SPTLC3: variants seen among roughly 807,000 people sequenced by gnomAD.
SPTLC3 encodes the protein serine palmitoyltransferase long chain base subunit 3.
A neutral mutation model predicts 59.3 loss-of-function variants in SPTLC3; 36 were observed. That is an observed-to-expected ratio of 0.61 (90% CI 0.47 to 0.80). The LOEUF is 0.80. Among genes scored for constraint, SPTLC3 ranks in the 30% least tolerant of loss-of-function variants. The pLI is 0.00. For missense variants in SPTLC3, 625 were observed against 685.1 expected (o/e 0.91, Z 0.98); for synonymous variants, 257 against 240.8 (o/e 1.07, Z -0.62).
intron 1 of SPTLC3, 135 bp from the exon 2 acceptor site, chr20:13,048,810 T>C: frequency 1.3e-6 from 1 of 767,568 alleles, no homozygotes. Context: ...CCCTCTTCAA[T>C]GGTCAGTTTC....
chr20:13,143,680 G>T (rs1440983840), intron 9 of SPTLC3, among the ~76,000 whole-genome samples: 1 of 152,154 alleles, frequency 6.6e-6, no homozygotes, highest in African/African-American at 2.4e-5. Context: ...TCCTACCCTA[G>T]CAAAGCTCTG....
chr20:13,121,242 A>T (rs947682433), intron 8 of SPTLC3, among the ~76,000 whole-genome samples: 8 of 152,102 alleles, frequency 5.3e-5, no homozygotes, highest in African/African-American at 1.7e-4. Flanking sequence ...TAGCCCTTGT[A>T]ACTGATAGGT....
chr20:13,075,792 T>A (rs562583288), intron 4 of SPTLC3, among the ~76,000 whole-genome samples: 2 of 152,058 alleles, frequency 1.3e-5, no homozygotes, highest in Non-Finnish European at 2.9e-5. Context: ...AATACCAGGG[T>A]TGTTAATGAC....
chr20:13,037,821 T>C (rs13038417), intron 1 of SPTLC3, among the ~76,000 whole-genome samples: 15,410 of 152,026 alleles, frequency 0.1, 925 homozygotes, highest in African/African-American at 0.17. Flanking sequence ...GTAAAGTTCA[T>C]TGAAGATCAG....
At chr20:13,087,973 A>G (rs1393907856) in intron 4 of SPTLC3, among the ~76,000 whole-genome samples, 1 of 152,208 alleles carries the variant, frequency 6.6e-6, no homozygotes, top group Admixed American at 6.5e-5. Flanking sequence ...AAAGCCTAAA[A>G]TGGCATTTTT....
intron 10 of SPTLC3, among the ~76,000 whole-genome samples, chr20:13,155,213 C>T (rs1279459127): frequency 6.6e-6 from 1 of 152,052 alleles, no homozygotes; most frequent in Non-Finnish European, 1.5e-5. Context: ...TAACTAAGCT[C>T]CTTTCTCAAG....
intron 10 of SPTLC3, 144 bp downstream of exon 10, chr20:13,154,282 CA>C: frequency 9.6e-7 from 1 of 1,045,808 alleles, no homozygotes. Context: ...AGCCACCTGT[CA>C]CTCTATCAGC....
At chr20:13,157,676 AT>A in intron 10 of SPTLC3, among the ~76,000 whole-genome samples, 1 of 152,180 alleles carries the variant, frequency 6.6e-6, no homozygotes, top group African/African-American at 2.4e-5. Context: ...AAAAAAAAAA[AT>A]CTGGGTCACC....
chr20:13,092,890 C>T (rs1004999057), intron 5 of SPTLC3, among the ~76,000 whole-genome samples: 13 of 152,072 alleles, frequency 8.5e-5, no homozygotes, highest in Non-Finnish European at 1.6e-4. Context: ...AATACTTTTA[C>T]AAAGGGTAAT....
intron 8 of SPTLC3, among the ~76,000 whole-genome samples, chr20:13,118,858 C>A (rs1050236740): frequency 3.3e-5 from 5 of 152,250 alleles, no homozygotes; most frequent in African/African-American, 1.2e-4. Context: ...AGATTTAATT[C>A]TGGCCACTGG....
intron 1 of SPTLC3, among the ~76,000 whole-genome samples, chr20:13,021,527 T>TC (rs1167554409): frequency 1.5e-4 from 16 of 103,238 alleles, no homozygotes; most frequent in Non-Finnish European, 2.8e-4. Context: ...GTAAATCACC[T>TC]CCCCCCACCA....
At chr20:13,164,661 G>T in intron 11 of SPTLC3, 93 bp from the exon 12 acceptor site, 3 of 877,942 alleles carry the variant, frequency 3.4e-6, no homozygotes, top group South Asian at 1.6e-5. Flanking sequence ...CTAAGACTGT[G>T]TGTCTTTGTG....
rs74931184 is a variant in SPTLC3 at position 13,039,442 on chromosome 20, C to T, written c.118-9503C>T. Among the ~76,000 whole-genome samples the T allele has an allele frequency of 8.9e-3, 1,359 of 152,066 alleles. 18 individuals carry two copies. The highest frequency in any genetic ancestry group is 0.03 in the African/African-American group (1,262 of 41,528). On this transcript the variant is annotated intron_variant, in intron 1 of 11. Transcript: ENST00000399002. The stretch of plus-strand genomic sequence containing the variant: ...TACTATAGCAATTTCAGCTTTCTTA[C>T]GGGTGCTGTTTTCATGATATATCTT...
intron 11 of SPTLC3, among the ~76,000 whole-genome samples, chr20:13,160,636 T>C (rs957027646): frequency 6.6e-6 from 1 of 152,250 alleles, no homozygotes; most frequent in African/African-American, 2.4e-5. Flanking sequence ...GTTATGTGAA[T>C]GAGTAATATC....
At chr20:13,051,393 C>T (rs1987484310) in intron 2 of SPTLC3, among the ~76,000 whole-genome samples, 1 of 152,168 alleles carries the variant, frequency 6.6e-6, no homozygotes, top group African/African-American at 2.4e-5. Flanking sequence ...ATATCACAAT[C>T]CTAAACATAT....
chr20:13,123,019 C>T (rs6105042), intron 8 of SPTLC3, among the ~76,000 whole-genome samples: 21,051 of 152,158 alleles, frequency 0.14, 2,315 homozygotes, highest in African/African-American at 0.31. Context: ...TTCTAAGAAT[C>T]TTTCAATTGG....
Position 13,022,402 on chromosome 20 carries a change from T to TA in SPTLC3, c.117+13025dup, listed in dbSNP as rs571222598. On this transcript the variant is annotated intron_variant, in intron 1 of 11. Transcript: ENST00000399002. ...CAATGCAGCCCAACACACAGTGGCATAAAAAAATGATTTTATTATGCTTGT... is the reference window on the plus strand; with the variant it reads ...CAATGCAGCCCAACACACAGTGGCATAAAAAAAATGATTTTATTATGCTTGT... 8.7e-4 allele frequency among the ~76,000 whole-genome samples: 133 copies of TA among 152,276 alleles called. 1 individual carries two copies. The highest frequency in any genetic ancestry group is 2.9e-3 in the African/African-American group (121 of 41,558).
In SPTLC3 at chr20:13,046,248, G is replaced by A. The variant is rs139617205; in HGVS notation, c.118-2697G>A. On this transcript the variant is annotated intron_variant, in intron 1 of 11. Transcript: ENST00000399002. ...ACCTTCAACCATGACTTAAACTGTGGCCCGTAGTAATTGACTCAGTCAGGG... is the reference window on the plus strand; with the variant it reads ...ACCTTCAACCATGACTTAAACTGTGACCCGTAGTAATTGACTCAGTCAGGG... Among the ~76,000 whole-genome samples, 17 of 152,098 alleles carry A rather than the reference G, an allele frequency of 1.1e-4. No individual in the cohort carries two copies. In the East Asian group the frequency reaches 3.1e-3, roughly 28 times the overall value.
chr20:13,152,440 C>T (rs946910492), intron 9 of SPTLC3, among the ~76,000 whole-genome samples: 8 of 152,104 alleles, frequency 5.3e-5, no homozygotes, highest in African/African-American at 1.7e-4. Flanking sequence ...ACAGCAGGGA[C>T]GTCCAAAAAA....
Sources: allele counts gnomAD v4.1 joint callset (sites outside exome capture counted in the v4.1 genomes callset), GRCh38; gene constraint gnomAD v4.1.1; transcripts MANE v1.5; gene names NCBI Gene and HGNC (gene_info 2026-07-23, HGNC 2026-07-21).